Variants in SLC4A10 observed in about 807,000 individuals in gnomAD.
SLC4A10 encodes sodium-driven chloride bicarbonate exchanger.
In SLC4A10, 42 loss-of-function variants were observed where a neutral mutation model predicts 137.7. That is an observed-to-expected ratio of 0.30 (90% confidence interval 0.24 to 0.39). The LOEUF (loss-of-function observed/expected upper bound fraction) is 0.39, where lower values mean the gene tolerates loss of function less well. Among genes scored for constraint, SLC4A10 ranks in the 10% least tolerant of loss-of-function variants. SLC4A10 has a pLI of 1.00. For missense variants in SLC4A10, 925 were observed against 1,355.0 expected (o/e 0.68, Z 4.98); for synonymous variants, 474 against 464.1 (o/e 1.02, Z -0.27).
chr2:161,794,839 T>C (rs957512825), intron 2 of SLC4A10, among the ~76,000 whole-genome samples: 1 of 152,008 alleles, frequency 6.6e-6, no homozygotes, highest in African/African-American at 2.4e-5. Flanking sequence ...TCCCTGAACA[T>C]AAAGTTAGGA....
intron 15 of SLC4A10, among the ~76,000 whole-genome samples, chr2:161,937,950 T>C (rs1047476210): frequency 1.8e-4 from 28 of 151,794 alleles, no homozygotes; most frequent in Non-Finnish European, 2.4e-4. Flanking sequence ...GCTGAAGCCC[T>C]GTTGACTAAA....
chr2:161,933,273 CTTTCTT>C (rs1338505152), intron 15 of SLC4A10, among the ~76,000 whole-genome samples: 41 of 129,680 alleles, frequency 3.2e-4, no homozygotes, highest in African/African-American at 1.1e-3. Flanking sequence ...TCCTTCCTTC[CTTTCTT>C]TTTCTTTCTC....
At chr2:161,863,324 G>A (rs1354507729) in intron 6 of SLC4A10, among the ~76,000 whole-genome samples, 1 of 152,088 alleles carries the variant, frequency 6.6e-6, no homozygotes, top group Non-Finnish European at 1.5e-5. Flanking sequence ...TTTAGATTTG[G>A]CTGCAGAAAA....
At chr2:161,885,061 C>T (rs1010533407) in intron 10 of SLC4A10, among the ~76,000 whole-genome samples, 1 of 152,088 alleles carries the variant, frequency 6.6e-6, no homozygotes, top group Non-Finnish European at 1.5e-5. Flanking sequence ...GCCTGTGGTC[C>T]CAGCTACTTG....
chr2:161,970,379 C>T (rs1418245755), intron 23 of SLC4A10, among the ~76,000 whole-genome samples: 1 of 152,088 alleles, frequency 6.6e-6, no homozygotes, highest in African/African-American at 2.4e-5. Context: ...AAAAATAACA[C>T]TTATGGTTTT....
At chr2:161,813,520 G>C (rs1438157204) in intron 3 of SLC4A10, among the ~76,000 whole-genome samples, 1 of 152,040 alleles carries the variant, frequency 6.6e-6, no homozygotes, top group Non-Finnish European at 1.5e-5. Flanking sequence ...ATTTTCAGAT[G>C]TTGTCTCTTT....
chr2:161,811,284 C>T (rs207462597), intron 3 of SLC4A10, among the ~76,000 whole-genome samples: 1 of 151,828 alleles, frequency 6.6e-6, no homozygotes, highest in Non-Finnish European at 1.5e-5. Context: ...AGTAGTCTAT[C>T]AATCTTATTT....
rs1372602950 is a variant in SLC4A10 at position 161,983,167 on chromosome 2, T to C, written c.*27-12T>C. On this transcript the variant is annotated splice_polypyrimidine_tract_variant and intron_variant, in intron 26 of 26. Transcript: ENST00000446997. ...TTGCAGTAATAAATGTGTCCTTTTTTTCCTTCTGTAGCATTGAAAGCCGAA... is the reference window on the plus strand; with the variant it reads ...TTGCAGTAATAAATGTGTCCTTTTTCTCCTTCTGTAGCATTGAAAGCCGAA... 6.5e-7 allele frequency: 1 copy of C among 1,536,504 alleles called. No individual in the cohort carries two copies. The highest frequency in any genetic ancestry group is 1.4e-5 in the African/African-American group (1 of 73,152).
intron 2 of SLC4A10, among the ~76,000 whole-genome samples, chr2:161,777,174 A>C (rs1486425606): frequency 6.6e-6 from 1 of 151,686 alleles, no homozygotes; most frequent in Non-Finnish European, 1.5e-5. Flanking sequence ...AATAGGGTAA[A>C]AAAATTTTTA....
intron 1 of SLC4A10, among the ~76,000 whole-genome samples, chr2:161,645,272 G>T (rs1273483177): frequency 6.6e-6 from 1 of 151,518 alleles, no homozygotes. Flanking sequence ...TGAAACTATG[G>T]GCTTCTATGG....
At chr2:161,883,097 C>G in intron 10 of SLC4A10, among the ~76,000 whole-genome samples, 1 of 151,972 alleles carries the variant, frequency 6.6e-6, no homozygotes, top group Non-Finnish European at 1.5e-5. Context: ...TAGCATCATA[C>G]CACTATTTTC....
chr2:161,787,590 C>T (rs2053767042), intron 2 of SLC4A10, among the ~76,000 whole-genome samples: 1 of 152,090 alleles, frequency 6.6e-6, no homozygotes, highest in South Asian at 2.1e-4. Flanking sequence ...CCTATACCAT[C>T]TTTCTCAAAT....
At chr2:161,672,374 A>G (rs1465285660) in intron 1 of SLC4A10, among the ~76,000 whole-genome samples, 2 of 152,210 alleles carry the variant, frequency 1.3e-5, no homozygotes, top group East Asian at 1.9e-4. Context: ...TTAATAAGGA[A>G]TGAAGTGACA....
chr2:161,749,021 T>C (rs938561279), intron 1 of SLC4A10, among the ~76,000 whole-genome samples: 1 of 152,050 alleles, frequency 6.6e-6, no homozygotes, highest in Non-Finnish European at 1.5e-5. Flanking sequence ...TCCTAAGTAT[T>C]TTATTTATTT....
At chr2:161,697,368 G>T (rs1300030398) in intron 1 of SLC4A10, among the ~76,000 whole-genome samples, 1 of 152,248 alleles carries the variant, frequency 6.6e-6, no homozygotes, top group South Asian at 2.1e-4. Context: ...TTTTAGACAT[G>T]AAGTCCTTGC....
intron 1 of SLC4A10, among the ~76,000 whole-genome samples, chr2:161,661,468 G>T (rs374053230): frequency 5.9e-5 from 9 of 152,020 alleles, no homozygotes; most frequent in Non-Finnish European, 1.2e-4. Flanking sequence ...GCGAGACTGC[G>T]TCTCAAAAAA....
chr2:161,900,856 A>G (rs1443145675), intron 11 of SLC4A10, 55 bp from the exon 12 acceptor site: 3 of 1,239,024 alleles, frequency 2.4e-6, no homozygotes, highest in East Asian at 2.6e-5. Flanking sequence ...ATTATTTACA[A>G]TTAACACCTG....
At chr2:161,830,976 T>A (rs2058397712) in intron 3 of SLC4A10, among the ~76,000 whole-genome samples, 1 of 152,124 alleles carries the variant, frequency 6.6e-6, no homozygotes, top group East Asian at 1.9e-4. Context: ...TTTACAAAGA[T>A]GATTAGGTAG....
chr2:161,672,081 T>C (rs1375981033), intron 1 of SLC4A10, among the ~76,000 whole-genome samples: 1 of 152,104 alleles, frequency 6.6e-6, no homozygotes, highest in Non-Finnish European at 1.5e-5. Flanking sequence ...GATAAGCACG[T>C]AGGGTACATG....
Sources: gnomAD v4.1 joint callset for allele counts (sites outside exome capture counted in the v4.1 genomes callset) on GRCh38, gnomAD v4.1.1 for gene constraint, MANE v1.5 for transcripts, NCBI Gene and HGNC (gene_info 2026-07-23, HGNC 2026-07-21) for gene names.